CUX1: variants seen among roughly 807,000 people sequenced by gnomAD.
CUX1 encodes the protein cut like homeobox 1, also known as protein CASP.
In CUX1, 31 loss-of-function variants were observed where a neutral mutation model predicts 158.8. The ratio of observed to expected loss-of-function variants is 0.20; its 90% CI spans 0.15 to 0.26. CUX1 has a LOEUF of 0.26. Ranked by LOEUF, CUX1 falls within the 10% of genes least tolerant of loss-of-function variation. The pLI is 1.00. For synonymous variants in CUX1, 879 were observed against 862.1 expected (o/e 1.02, Z -0.34); for missense variants, 1,589 against 2,014.6 (o/e 0.79, Z 4.04).
Position 102,201,606 on chromosome 7 carries a change from C to G in CUX1, c.2309C>G (p.Ala770Gly). Reference protein sequence around the residue: ...LAISLKKPSAAPEAGASALPN... With the variant: ...LAISLKKPSAGPEAGASALPN... ...ATCTCCCTGAAGAAGCCCTCCGCAGCTCCTGAGGCCGGTGCCTCTGCTCTG... is the reference window on the plus strand; with the variant it reads ...ATCTCCCTGAAGAAGCCCTCCGCAGGTCCTGAGGCCGGTGCCTCTGCTCTG... The change falls in exon 18 of 24, where the codon GCT (alanine) becomes GGT (glycine). Residue 770 changes from alanine (A) to glycine (G), a missense_variant. By Grantham distance (60) the Ala-to-Gly change is moderately conservative. Around this residue, in one of 8 missense-constraint regions of CUX1, gnomAD observed 337 missense variants for 409.3 expected, o/e 0.82. Transcript: ENST00000292535. The surrounding 1 kb of genome is among the most constrained non-coding windows in gnomAD (Gnocchi z 5.0). The G allele has an allele frequency of 6.2e-7, 1 of 1,614,074 alleles. No homozygotes were observed. Among genetic ancestry groups the G allele is most frequent in the Non-Finnish European group, 8.5e-7 (1 of 1,180,004 alleles).
rs567455853 is a variant in CUX1, at chr7:101,838,191, A to G, written c.30+20522A>G. Among the ~76,000 whole-genome samples, 184 of 150,712 alleles carry G rather than the reference A, an allele frequency of 1.2e-3. 2 individuals are homozygous for G. The highest frequency in any genetic ancestry group is 4.3e-3 in the African/African-American group (177 of 41,016). On this transcript the variant is annotated intron_variant, in intron 1 of 23. Transcript: ENST00000292535. ...GTCGCCCAGGCTGGAGTGCAGTGGC[A>G]CAATCTCGGCTCACTGCAACCTACG...
chr7:102,130,980 C>G (rs370446255), intron 8 of CUX1, among the ~76,000 whole-genome samples: 36 of 151,934 alleles, frequency 2.4e-4, no homozygotes, highest in Non-Finnish European at 2.8e-4. Context: ...GAAACCCTGT[C>G]TCTACTGAAA....
At chr7:102,087,804 A>G (rs1828105378) in intron 4 of CUX1, among the ~76,000 whole-genome samples, 1 of 152,168 alleles carries the variant, frequency 6.6e-6, no homozygotes, top group Non-Finnish European at 1.5e-5. Flanking sequence ...TAAAAATGAA[A>G]TTATAATATT....
chr7:102,137,986 G>A (rs1181274958), intron 8 of CUX1, among the ~76,000 whole-genome samples: 1 of 152,138 alleles, frequency 6.6e-6, no homozygotes, highest in East Asian at 1.9e-4. Flanking sequence ...AGGAACTGGA[G>A]ACCAGCCTGG....
intron 15 of CUX1, chr7:102,274,216 C>T (rs782218061): frequency 7.0e-5 from 112 of 1,607,324 alleles, no homozygotes; most frequent in Non-Finnish European, 9.2e-5. Context: ...TGCGGAGGCA[C>T]CTCCTCATCG....
At chr7:102,104,765 C>T (rs1405540026) in intron 6 of CUX1, among the ~76,000 whole-genome samples, 10 of 152,070 alleles carry the variant, frequency 6.6e-5, no homozygotes, top group East Asian at 1.9e-4. Flanking sequence ...CATGGTGGCG[C>T]ACGTCTGTAA....
chr7:102,011,003 C>G (rs1450990463), intron 2 of CUX1, among the ~76,000 whole-genome samples: 3 of 152,004 alleles, frequency 2.0e-5, no homozygotes, highest in African/African-American at 7.3e-5. Context: ...ATCCCAGCTA[C>G]TCAGGAGGCT....
intron 20 of CUX1, among the ~76,000 whole-genome samples, chr7:102,224,543 CAT>C (rs1798157867): frequency 6.6e-6 from 1 of 152,210 alleles, no homozygotes. Flanking sequence ...CCAGCCGCCA[CAT>C]GTCACTTTCA....
chr7:101,957,523 C>T (rs1809922501), intron 2 of CUX1, among the ~76,000 whole-genome samples: 1 of 152,124 alleles, frequency 6.6e-6, no homozygotes, highest in African/African-American at 2.4e-5. Context: ...GAGTTCGAGA[C>T]CAGCCTGGCC....
Position 102,255,046 on chromosome 7 carries a change from G to A in CUX1, c.*6004G>A, listed in dbSNP as rs1789741693. On this transcript the variant is annotated 3_prime_UTR_variant, in exon 24 of 24. Coordinates refer to ENST00000292535, the MANE Select transcript of CUX1 (RefSeq NM_181552.4). ...AAGAGGAGGGGGTGTGGGGGGCAGA[G>A]CGTAAAACAAGCCCCAGCCCTACTC... 4.1e-6 allele frequency: 4 copies of A among 985,462 alleles called. No homozygotes were observed. In the South Asian group the frequency reaches 1.9e-4, roughly 46 times the overall value. 61.0% of individuals were successfully genotyped at this position (985,462 alleles called of 1,614,324 possible). A position where few individuals can be genotyped will look rare whatever the true frequency, so the allele number is the denominator to read the frequency against.
chr7:102,245,643 A>G (rs1398752106), intron 23 of CUX1, among the ~76,000 whole-genome samples: 2 of 152,228 alleles, frequency 1.3e-5, no homozygotes, highest in Non-Finnish European at 2.9e-5. Context: ...CAAGGAAGAT[A>G]CCATTCTCCA....
Position 102,197,222 on chromosome 7 carries a change from A to G in CUX1, c.1811A>G (p.Lys604Arg). 1 of 1,614,230 alleles carries G rather than the reference A, an allele frequency of 6.2e-7. No individual in the cohort carries two copies. The change falls in exon 15 of 24, where the codon AAG becomes AGG. Residue 604 changes from lysine (K) to arginine (R), a missense_variant. Around this residue, in one of 8 missense-constraint regions of CUX1, gnomAD observed 37 missense variants for 124.9 expected, o/e 0.30. Coordinates refer to ENST00000292535, the MANE Select transcript of CUX1 (RefSeq NM_181552.4). The stretch of plus-strand genomic sequence containing the variant: ...TGGAATAAACTGACTGTTCGTGGCA[A>G]GGAGCCATTTCACAAGATGAAACAG... The part of the protein sequence containing the change: ...KPWNKLTVRG[K>R]EPFHKMKQFL...
intron 2 of CUX1, among the ~76,000 whole-genome samples, chr7:102,020,894 A>G (rs1024042193): frequency 5.9e-5 from 9 of 151,954 alleles, no homozygotes; most frequent in Non-Finnish European, 1.2e-4. Context: ...AAAAAAAAAA[A>G]AAAGAAATTA....
intron 2 of CUX1, among the ~76,000 whole-genome samples, chr7:101,924,686 C>T (rs1039095344): frequency 3.9e-5 from 6 of 152,080 alleles, no homozygotes; most frequent in African/African-American, 1.4e-4. Context: ...CCACCTCAGC[C>T]TCCCGAGTAG....
chr7:101,938,063 C>T (rs1807160614), intron 2 of CUX1, among the ~76,000 whole-genome samples: 1 of 151,706 alleles, frequency 6.6e-6, no homozygotes, highest in African/African-American at 2.4e-5. Context: ...CTTATGAGGC[C>T]TTAATGATAT....
chr7:101,876,065 G>T (rs1282736927), intron 1 of CUX1, among the ~76,000 whole-genome samples: 1 of 152,164 alleles, frequency 6.6e-6, no homozygotes, highest in Non-Finnish European at 1.5e-5. Context: ...CTGATTTGTG[G>T]CTGGGTGCGG....
At chr7:102,102,962 C>T (rs1055587002) in intron 5 of CUX1, among the ~76,000 whole-genome samples, 1 of 152,182 alleles carries the variant, frequency 6.6e-6, no homozygotes, top group Non-Finnish European at 1.5e-5. Context: ...TGTAGTTGTC[C>T]TGCCCCAGAG....
At chr7:102,010,142 C>G (rs1207359045) in intron 2 of CUX1, among the ~76,000 whole-genome samples, 1 of 152,088 alleles carries the variant, frequency 6.6e-6, no homozygotes, top group Non-Finnish European at 1.5e-5. Flanking sequence ...TGCCTGTAAT[C>G]CCAGCACTTC....
intron 2 of CUX1, among the ~76,000 whole-genome samples, chr7:101,936,615 A>C (rs1026930685): frequency 6.6e-6 from 1 of 152,138 alleles, no homozygotes; most frequent in Non-Finnish European, 1.5e-5. Flanking sequence ...GGCGACCATC[A>C]TGCCCGGCTG....
Sources: allele counts gnomAD v4.1 joint callset (sites outside exome capture counted in the v4.1 genomes callset), GRCh38; gene constraint gnomAD v4.1.1; regional missense constraint gnomAD v4.1.1; non-coding constraint Gnocchi (gnomAD v3.1); transcripts MANE v1.5; gene names NCBI Gene and HGNC (gene_info 2026-07-23, HGNC 2026-07-21).